Variants in SP140 observed in about 807,000 individuals in gnomAD.
The protein encoded by SP140 is nuclear body protein SP140.
A neutral mutation model predicts 125.0 loss-of-function variants in SP140; 81 were observed. That is an observed-to-expected ratio of 0.65 (90% CI 0.54 to 0.78). SP140 has a LOEUF of 0.78. Among genes scored for constraint, SP140 ranks in the 30% least tolerant of loss-of-function variants. SP140 has a pLI of 0.00. For missense variants in SP140, 858 were observed against 1,037.0 expected (o/e 0.83, Z 2.37); for synonymous variants, 312 against 354.0 (o/e 0.88, Z 1.33).
chr2:230,231,149 G>A (rs1411385476), intron 1 of SP140, among the ~76,000 whole-genome samples: 2 of 152,024 alleles, frequency 1.3e-5, no homozygotes, highest in African/African-American at 4.8e-5. Context: ...TTAACCATCT[G>A]TTCATGCGTA....
rs1434463439 is a variant in SP140 at position 230,288,461 on chromosome 2, CTTTCT to C, written c.1720+498_1720+502del. Among the ~76,000 whole-genome samples, 3 of 57,568 alleles carry C rather than the reference CTTTCT, an allele frequency of 5.2e-5. No homozygotes were observed. The East Asian group carries it at 8.5e-4, about 16-fold the overall frequency. 37.8% of individuals were successfully genotyped at this position (57,568 alleles called of 152,430 possible). ...AGCATGAATTAGGCCAACTATCTTT[CTTTCT>C]TTCTTTCTTTCTTTCTTTCTTTCTT... is the stretch of plus-strand genomic sequence containing the variant. On this transcript the variant is annotated intron_variant, in intron 18 of 26. Transcript: ENST00000392045.
At position 230,282,929 on chromosome 2, in the gene SP140, G is replaced by A. The variant is rs990858350; in HGVS notation, c.1499-1417G>A. 5.9e-5 allele frequency among the ~76,000 whole-genome samples: 9 copies of A among 152,326 alleles called. No homozygotes were observed. The East Asian group carries it at 1.5e-3, about 26-fold the overall frequency. On this transcript the variant is annotated intron_variant, in intron 15 of 26. Transcript: ENST00000392045. Reference sequence around the variant, plus strand: ...AGTTCTGTTTATCCTTGATTTGTTTGTGTGTGGCTGGGGAGAGGGTGGGCA... The same window carrying A: ...AGTTCTGTTTATCCTTGATTTGTTTATGTGTGGCTGGGGAGAGGGTGGGCA...
chr2:230,252,509 A>T (rs911858543), intron 10 of SP140, among the ~76,000 whole-genome samples: 2 of 152,054 alleles, frequency 1.3e-5, no homozygotes, highest in African/African-American at 4.8e-5. Flanking sequence ...CAGCGGCAAG[A>T]GACAGAGGTA....
upstream of SP140, among the ~76,000 whole-genome samples, chr2:230,201,330 G>A (rs2043165999): frequency 6.6e-6 from 1 of 152,168 alleles, no homozygotes; most frequent in Non-Finnish European, 1.5e-5. Context: ...ATAATATGAT[G>A]TTATTTGCCT....
intron 5 of SP140, among the ~76,000 whole-genome samples, chr2:230,244,059 T>G (rs952580295): frequency 6.6e-6 from 1 of 152,206 alleles, no homozygotes. Context: ...CCACTTACTT[T>G]CTCTAGAGAA....
At chr2:230,278,622 T>C (rs1424576565) in intron 15 of SP140, among the ~76,000 whole-genome samples, 1 of 152,112 alleles carries the variant, frequency 6.6e-6, no homozygotes, top group East Asian at 1.9e-4. Context: ...AGGAATTTTA[T>C]GGTTTTATAT....
chr2:230,308,831 G>C (rs2059064568), intron 22 of SP140, among the ~76,000 whole-genome samples: 1 of 152,214 alleles, frequency 6.6e-6, no homozygotes, highest in African/African-American at 2.4e-5. Flanking sequence ...GGCCCTCCCA[G>C]TGTTACCAGA....
intron 5 of SP140, among the ~76,000 whole-genome samples, chr2:230,244,122 G>A (rs939739386): frequency 6.6e-6 from 1 of 152,118 alleles, no homozygotes; most frequent in African/African-American, 2.4e-5. Context: ...ACTATAGAAA[G>A]CCTTCAAAAG....
chr2:230,187,388 T>C, the SP140 span, among the ~76,000 whole-genome samples: 1 of 152,220 alleles, frequency 6.6e-6, no homozygotes, highest in Non-Finnish European at 1.5e-5. Context: ...ACGCTGGATA[T>C]TAATTCTTCA....
chr2:230,237,383 G>C lies in SP140; in HGVS notation c.237+123G>C, dbSNP rs879180024. On this transcript the variant is annotated intron_variant, in intron 2 of 26. Transcript: ENST00000392045. This position sits in a 1 kb window ranked among gnomAD's most constrained non-coding sequence, Gnocchi z 5.4. The stretch of plus-strand genomic sequence containing the variant: ...GGGACCTTCACCATTCTGTAGGTTA[G>C]GAGGTGACAGGAGAAGCAGGCATCA... 33 of 769,664 alleles carry C rather than the reference G, an allele frequency of 4.3e-5. 1 individual carries two copies. The South Asian group carries it at 5.8e-4, about 13-fold the overall frequency. 47.7% of individuals were successfully genotyped at this position (769,664 alleles called of 1,614,324 possible). A position where few individuals can be genotyped will look rare whatever the true frequency, so the allele number is the denominator to read the frequency against.
intron 10 of SP140, among the ~76,000 whole-genome samples, chr2:230,251,305 G>A (rs918432565): frequency 2.2e-4 from 33 of 152,132 alleles, no homozygotes; most frequent in Admixed American, 7.2e-4. Context: ...AGATAATCAC[G>A]TGGTAGTTGG....
the SP140 span, among the ~76,000 whole-genome samples, chr2:230,186,420 T>C: frequency 6.6e-6 from 1 of 152,180 alleles, no homozygotes; most frequent in Admixed American, 6.5e-5. Context: ...CTAGGACAGA[T>C]ACCTGGCCCA....
At chr2:230,289,767 G>T (rs544104076) in intron 18 of SP140, among the ~76,000 whole-genome samples, 1 of 152,100 alleles carries the variant, frequency 6.6e-6, no homozygotes, top group Admixed American at 6.6e-5. Flanking sequence ...GAGCCACCAC[G>T]CCTGGCCCTA....
At chr2:230,202,589 C>T (rs7606916), upstream of SP140, 5 of 1,614,004 alleles carry the variant, frequency 3.1e-6, no homozygotes, top group East Asian at 2.2e-5. Context: ...CCTCTGATCT[C>T]GACTTTCGGG....
downstream of SP140, among the ~76,000 whole-genome samples, chr2:230,314,959 A>T (rs1224057271): frequency 1.3e-5 from 2 of 152,240 alleles, no homozygotes; most frequent in African/African-American, 2.4e-5. Flanking sequence ...TGAGGGCAAG[A>T]TAAAGTAATT....
In SP140 at chr2:230,312,603, A is replaced by G; in HGVS notation, c.2523A>G (p.Gln841=). ...TTTTTCAGTACAAGGATTTTGGCCA[A>G]ATGGGATTTAGACTGGAGGCTGAGT... ...RASYKYKDFG[Q]MGFRLEAEFE... is the part of the protein sequence containing the mutation. Residue 841 remains glutamine, a synonymous_variant, in exon 27 of 27, where the codon CAA becomes CAG. Coordinates refer to ENST00000392045, the MANE Select transcript of SP140 (RefSeq NM_007237.5). 2 of 1,611,726 alleles carry G rather than the reference A, an allele frequency of 1.2e-6. No homozygotes were observed. The highest frequency in any genetic ancestry group is 1.1e-5 in the South Asian group (1 of 90,812).
intron 9 of SP140, among the ~76,000 whole-genome samples, chr2:230,249,253 T>C (rs935133462): frequency 1.3e-5 from 2 of 152,174 alleles, no homozygotes; most frequent in East Asian, 1.9e-4. Context: ...GCGTGGGTGA[T>C]GTTATTAAAC....
chr2:230,313,003 T>G lies in SP140; in HGVS notation c.*319T>G, dbSNP rs1297880141. ...ACAACATTTATTACCCAGAAGACCT[T>G]TTGTCTGAAAACCAGCCAAGCTTTA... is the stretch of plus-strand genomic sequence containing the variant. On this transcript the variant is annotated 3_prime_UTR_variant, in exon 27 of 27. Transcript: ENST00000392045. The G allele has an allele frequency of 1.1e-5, 3 of 267,422 alleles. No homozygotes were observed. The highest frequency in any genetic ancestry group is 2.1e-5 in the Non-Finnish European group (3 of 139,634). The allele number at this position is 267,422 out of a possible 1,614,324, so 16.6% of individuals were successfully genotyped here. A position where few individuals can be genotyped will look rare whatever the true frequency, so the allele number is the denominator to read the frequency against.
chr2:230,247,795 G>A (rs2049705080), intron 7 of SP140, 121 bp from the exon 8 acceptor site: 2 of 931,278 alleles, frequency 2.1e-6, no homozygotes, highest in Admixed American at 2.3e-5. Flanking sequence ...CTTTCCTAAA[G>A]GCTTAGCCCT....
Sources: allele counts gnomAD v4.1 joint callset (sites outside exome capture counted in the v4.1 genomes callset), GRCh38; gene constraint gnomAD v4.1.1; non-coding constraint Gnocchi (gnomAD v3.1); transcripts MANE v1.5; gene names NCBI Gene and HGNC (gene_info 2026-07-23, HGNC 2026-07-21).